Variants in ERI3 observed in about 807,000 individuals in gnomAD.
ERI3 encodes the protein ERI1 exoribonuclease family member 3.
Under a neutral mutation model 44.4 loss-of-function variants are expected in ERI3, and 18 were observed. The ratio of observed to expected loss-of-function variants is 0.41; its 90% CI spans 0.28 to 0.60. The LOEUF is 0.60. ERI3 is among the 20% of genes least tolerant of loss of function. The pLI is 0.36. For missense variants in ERI3, 294 were observed against 435.5 expected, an observed-to-expected ratio of 0.68 and a Z score of 2.89; for synonymous variants, 183 against 164.8, an observed-to-expected ratio of 1.11 and a Z score of -0.84.
chr1:44,336,501 T>G (rs1308641019), intron 3 of ERI3, among the ~76,000 whole-genome samples: 1 of 152,236 alleles, frequency 6.6e-6, no homozygotes, highest in Non-Finnish European at 1.5e-5. Flanking sequence ...GCATTACATT[T>G]ATCACTTGCC....
chr1:44,229,338 A>C (rs563622176), intron 8 of ERI3, among the ~76,000 whole-genome samples: 1 of 152,290 alleles, frequency 6.6e-6, no homozygotes, highest in African/African-American at 2.4e-5. Flanking sequence ...AAGGGAAGGA[A>C]ATGAAGAGGC....
At position 44,232,686 on chromosome 1, in the gene ERI3, G is replaced by A. The variant is rs1644213280; in HGVS notation, c.932-11046C>T. Among the ~76,000 whole-genome samples, 5 of 152,148 alleles carry A rather than the reference G, an allele frequency of 3.3e-5. No homozygotes were observed. The South Asian group carries it at 8.3e-4, about 25-fold the overall frequency. ...GAAGACGGGAAAAGGCAAGAATAGC[G>A]TATTTCCCAGATGAGCTGTTTCCCT... On this transcript the variant is annotated intron_variant, in intron 8 of 8. Transcript: ENST00000372257.
chr1:44,260,815 G>T (rs1170955895), intron 7 of ERI3, among the ~76,000 whole-genome samples: 1 of 141,272 alleles, frequency 7.1e-6, no homozygotes, highest in Non-Finnish European at 1.5e-5. Flanking sequence ...CACCTGGAAC[G>T]CTCAACTTCC....
intron 7 of ERI3, among the ~76,000 whole-genome samples, chr1:44,255,163 A>T (rs1644756231): frequency 6.6e-6 from 1 of 152,092 alleles, no homozygotes. Flanking sequence ...TTCTATATGC[A>T]TTTCACATCC....
intron 8 of ERI3, among the ~76,000 whole-genome samples, chr1:44,244,599 CA>C (rs1190361827): frequency 6.6e-6 from 1 of 152,112 alleles, no homozygotes; most frequent in African/African-American, 2.4e-5. Flanking sequence ...CCTCTATTTC[CA>C]GGGCCGATGC....
chr1:44,354,284 G>C, intron 1 of ERI3: 1 of 985,406 alleles, frequency 1.0e-6, no homozygotes, highest in Non-Finnish European at 1.2e-6. Flanking sequence ...CAGACACAAC[G>C]ATGGGCACTA....
At chr1:44,336,544 G>T (rs1018186557) in intron 3 of ERI3, among the ~76,000 whole-genome samples, 1 of 72,202 alleles carries the variant, frequency 1.4e-5, no homozygotes, top group Admixed American at 1.5e-4. Flanking sequence ...CTATGTCACA[G>T]CAAGAAGTTA....
intron 7 of ERI3, among the ~76,000 whole-genome samples, chr1:44,260,167 G>C (rs954019557): frequency 6.6e-6 from 1 of 152,208 alleles, no homozygotes; most frequent in East Asian, 1.9e-4. Context: ...TGCGCTCAAA[G>C]AACTCATAGT....
chr1:44,224,877 GGCAGTCA>G (rs1643997867), intron 8 of ERI3, among the ~76,000 whole-genome samples: 1 of 152,154 alleles, frequency 6.6e-6, no homozygotes, highest in South Asian at 2.1e-4. Flanking sequence ...TCAGTGGAAT[GGCAGTCA>G]TGGGCTTCTA....
chr1:44,311,016 C>T (rs59741438), intron 5 of ERI3, among the ~76,000 whole-genome samples: 20 of 144,400 alleles, frequency 1.4e-4, no homozygotes, highest in African/African-American at 4.1e-4. Flanking sequence ...CACACACACA[C>T]GTGCAGGAAT....
chr1:44,248,179 C>T, intron 7 of ERI3, 141 bp from the exon 8 acceptor site: 1 of 573,750 alleles, frequency 1.7e-6, no homozygotes, highest in South Asian at 2.2e-5. Flanking sequence ...CCCTTCTCCA[C>T]CCAGGTCCTC....
chr1:44,263,685 A>C (rs59060823), intron 7 of ERI3, among the ~76,000 whole-genome samples: 4 of 152,234 alleles, frequency 2.6e-5, no homozygotes, highest in African/African-American at 9.6e-5. Context: ...TGAGAGGAGT[A>C]TAGGCTTGGG....
intron 3 of ERI3, among the ~76,000 whole-genome samples, chr1:44,329,845 T>C (rs1646393347): frequency 6.6e-6 from 1 of 152,216 alleles, no homozygotes; most frequent in African/African-American, 2.4e-5. Context: ...GCGCCACTCC[T>C]TAACAAACCT....
chr1:44,351,645 T>C (rs1369073511), intron 2 of ERI3, among the ~76,000 whole-genome samples: 2 of 152,166 alleles, frequency 1.3e-5, no homozygotes, highest in Non-Finnish European at 2.9e-5. Flanking sequence ...TAATCTAATC[T>C]TTTTTCTACT....
rs1240713149 is a variant in ERI3, at chr1:44,301,052, T to C, written c.758+7258A>G. Among the ~76,000 whole-genome samples, 4 of 151,582 alleles carry C rather than the reference T, an allele frequency of 2.6e-5. No individual in the cohort carries two copies. The South Asian group carries it at 6.3e-4, about 24-fold the overall frequency. On this transcript the variant is annotated intron_variant, in intron 6 of 8. Coordinates refer to ENST00000372257, the MANE Select transcript of ERI3 (RefSeq NM_024066.3). ...CAGGATTCATTTCCCTGTCTGTGGG[T>C]TGGGGATGGGAGGGAGGGGAGGGGC...
At position 44,241,396 on chromosome 1, in the gene ERI3, T is replaced by G. The variant is rs78281893; in HGVS notation, c.931+6543A>C. Among the ~76,000 whole-genome samples the G allele has an allele frequency of 1.1e-4, 16 of 152,200 alleles. No individual in the cohort carries two copies. The East Asian group carries it at 3.1e-3, about 29-fold the overall frequency. On this transcript the variant is annotated intron_variant, in intron 8 of 8. Transcript: ENST00000372257. The surrounding 1 kb of genome is among the most constrained non-coding windows in gnomAD (Gnocchi z 5.6). ...AATCACTCAATCACCGCCCAGTGCT[T>G]GGTGGGCACCGCACGCCCTCACACA... is the stretch of plus-strand genomic sequence containing the variant.
rs1572056824 is a variant in ERI3, at chr1:44,228,687, G to T, written c.932-7047C>A. 6.6e-6 allele frequency among the ~76,000 whole-genome samples: 1 copy of T among 152,328 alleles called. No individual in the cohort carries two copies. On this transcript the variant is annotated intron_variant, in intron 8 of 8. Transcript: ENST00000372257. The surrounding 1 kb of genome is among the most constrained non-coding windows in gnomAD (Gnocchi z 4.3). Reference sequence around the variant, plus strand: ...GCTCACAGCCACTTGGGGGCAGTGGGGTGGAGGGGGGGATGTGCCTGGCCG... The same window carrying T: ...GCTCACAGCCACTTGGGGGCAGTGGTGTGGAGGGGGGGATGTGCCTGGCCG...
chr1:44,299,550 C>A (rs1292735442), intron 6 of ERI3, among the ~76,000 whole-genome samples: 5 of 152,160 alleles, frequency 3.3e-5, no homozygotes, highest in Non-Finnish European at 5.9e-5. Context: ...AAACACAGAT[C>A]TAAGCAATAT....
intron 6 of ERI3, among the ~76,000 whole-genome samples, chr1:44,301,040 CCT>C (rs1332687903): frequency 1.4e-4 from 22 of 151,988 alleles, no homozygotes; most frequent in Non-Finnish European, 1.2e-4. Context: ...GATTCATTTC[CCT>C]GTCTGTGGGT....
Sources: gnomAD v4.1 joint callset for allele counts (sites outside exome capture counted in the v4.1 genomes callset) on GRCh38, gnomAD v4.1.1 for gene constraint, Gnocchi (gnomAD v3.1) non-coding constraint, MANE v1.5 for transcripts, NCBI Gene and HGNC (gene_info 2026-07-23, HGNC 2026-07-21) for gene names.